CCNJL: variants seen among roughly 807,000 people sequenced by gnomAD.
CCNJL encodes cyclin J like.
CCNJL carries 33 observed loss-of-function variants against 33.4 expected under a neutral mutation model. That is an observed-to-expected ratio of 0.99 (90% confidence interval 0.75 to 1.32). The LOEUF is 1.32. Among genes scored for constraint, CCNJL ranks in the 40% most tolerant of loss-of-function variants. CCNJL has a pLI of 0.00. For synonymous variants in CCNJL, 227 were observed against 220.9 expected, an observed-to-expected ratio of 1.03 and a Z score of -0.24; for missense variants, 512 against 499.7, an observed-to-expected ratio of 1.02 and a Z score of -0.23.
intron 1 of CCNJL, 43 bp from the exon 2 acceptor site, chr5:160,312,015 G>A (rs968974030): frequency 7.8e-6 from 10 of 1,277,486 alleles, no homozygotes; most frequent in Non-Finnish European, 1.1e-5. Context: ...GCGTACCCCG[G>A]GCTCCGACCC....
intron 2 of CCNJL, among the ~76,000 whole-genome samples, chr5:160,281,586 T>A (rs994466541): frequency 1.3e-5 from 2 of 152,190 alleles, no homozygotes; most frequent in African/African-American, 4.8e-5. Context: ...ATAATAATGT[T>A]CTTATATGCA....
At chr5:160,301,854 C>T (rs962607767) in intron 2 of CCNJL, among the ~76,000 whole-genome samples, 16 of 147,962 alleles carry the variant, frequency 1.1e-4, no homozygotes, top group African/African-American at 3.0e-4. Context: ...CTCAGCCTCC[C>T]GAGTAGCTGG....
intron 1 of CCNJL, among the ~76,000 whole-genome samples, chr5:160,324,501 A>G (rs1433692099): frequency 6.6e-6 from 1 of 152,206 alleles, no homozygotes; most frequent in Non-Finnish European, 1.5e-5. Flanking sequence ...TGAACCCAGG[A>G]GGTGAAAGTT....
chr5:160,301,346 C>A (rs1192136193), intron 2 of CCNJL, among the ~76,000 whole-genome samples: 1 of 151,940 alleles, frequency 6.6e-6, no homozygotes, highest in African/African-American at 2.4e-5. Context: ...ATCTAATTTA[C>A]AAGGACAAAA....
intron 2 of CCNJL, among the ~76,000 whole-genome samples, chr5:160,310,077 T>C (rs1461805674): frequency 6.6e-6 from 1 of 152,170 alleles, no homozygotes; most frequent in East Asian, 1.9e-4. Context: ...TAGAAATCCT[T>C]CCCTCTAGAA....
At chr5:160,321,859 A>G (rs965680647) in intron 1 of CCNJL, among the ~76,000 whole-genome samples, 1 of 152,184 alleles carries the variant, frequency 6.6e-6, no homozygotes, top group African/African-American at 2.4e-5. Context: ...ACTCCGTCTC[A>G]AAAAATATAT....
Position 160,287,242 on chromosome 5 carries a change from C to T in CCNJL, c.67-6504G>A, listed in dbSNP as rs28684085. ...AGCCTAGTGGCCCTTCCTCTTCCCT[C>T]AAGCTGGGGAATCAAGTCTCAGAGA... On this transcript the variant is annotated intron_variant, in intron 2 of 5. Transcript: ENST00000257536. 2.8e-3 allele frequency among the ~76,000 whole-genome samples: 420 copies of T among 152,336 alleles called. 3 individuals carry two copies. Among genetic ancestry groups the T allele is most frequent in the African/African-American group, 9.6e-3 (401 of 41,580 alleles).
chr5:160,326,690 A>C (rs1763540460), intron 1 of CCNJL: 1 of 880,648 alleles, frequency 1.1e-6, no homozygotes. Flanking sequence ...GTGAAATTCC[A>C]CCATGGCATA....
intron 3 of CCNJL, among the ~76,000 whole-genome samples, chr5:160,276,771 T>C (rs1467255290): frequency 6.7e-6 from 1 of 149,402 alleles, no homozygotes; most frequent in Non-Finnish European, 1.5e-5. Flanking sequence ...TGTTGTGGCA[T>C]GAATTTTATC....
intron 3 of CCNJL, among the ~76,000 whole-genome samples, chr5:160,262,416 C>T (rs141876696): frequency 3.1e-4 from 47 of 152,366 alleles, no homozygotes; most frequent in Non-Finnish European, 4.6e-4. Context: ...TTCCTGGGAA[C>T]GCACACGGCA....
intron 3 of CCNJL, among the ~76,000 whole-genome samples, 192 bp from the exon 4 acceptor site, chr5:160,259,963 C>T (rs550211443): frequency 6.6e-6 from 1 of 152,362 alleles, no homozygotes; most frequent in Non-Finnish European, 1.5e-5. Context: ...GCCATCACTT[C>T]CCACTGGGGG....
chr5:160,293,791 G>T (rs1485912930), intron 2 of CCNJL, among the ~76,000 whole-genome samples: 1 of 152,170 alleles, frequency 6.6e-6, no homozygotes, highest in East Asian at 1.9e-4. Context: ...TAAATCTTGG[G>T]CTTGGACATC....
At chr5:160,315,935 C>T (rs1268996274), upstream of CCNJL, among the ~76,000 whole-genome samples, 4 of 152,136 alleles carry the variant, frequency 2.6e-5, no homozygotes, top group African/African-American at 9.7e-5. Context: ...CTAATATGTA[C>T]TGCCCTTTTC....
intron 3 of CCNJL, among the ~76,000 whole-genome samples, chr5:160,275,898 T>A (rs1242166466): frequency 6.6e-6 from 1 of 151,148 alleles, no homozygotes; most frequent in East Asian, 2.0e-4. Context: ...AAGTCCAACA[T>A]AAAATTACCA....
At chr5:160,278,774 A>G (rs527889838) in intron 3 of CCNJL, among the ~76,000 whole-genome samples, 1 of 152,372 alleles carries the variant, frequency 6.6e-6, no homozygotes, top group African/African-American at 2.4e-5. Flanking sequence ...TGCAGCCCAC[A>G]GATCACAGAC....
upstream of CCNJL, among the ~76,000 whole-genome samples, chr5:160,316,516 A>G (rs1424729416): frequency 6.6e-6 from 1 of 152,176 alleles, no homozygotes; most frequent in East Asian, 1.9e-4. Flanking sequence ...TTTGCACTGA[A>G]CTTTCCTTTT....
chr5:160,306,091 T>A lies in CCNJL; in HGVS notation c.66+5767A>T, dbSNP rs538454972. On this transcript the variant is annotated intron_variant, in intron 2 of 5. Coordinates refer to ENST00000257536, the MANE Select transcript of CCNJL (RefSeq NM_001308173.3). The stretch of plus-strand genomic sequence containing the variant: ...GAGTTAGAGACCAGCCTGGCCAACA[T>A]GGTGAAACCCCGCCTCTACTAAAAA... Among the ~76,000 whole-genome samples, 263 of 152,028 alleles carry A rather than the reference T, an allele frequency of 1.7e-3. 2 individuals are homozygous for A. The highest frequency in any genetic ancestry group is 2.4e-3 in the Non-Finnish European group (166 of 67,920).
intron 2 of CCNJL, among the ~76,000 whole-genome samples, chr5:160,301,721 C>G (rs910049431): frequency 3.3e-5 from 5 of 149,718 alleles, no homozygotes; most frequent in African/African-American, 1.2e-4. Context: ...AGGTGTGAGC[C>G]ACCGCACCCG....
chr5:160,284,255 G>A (rs1489738442), intron 2 of CCNJL, among the ~76,000 whole-genome samples: 9 of 152,074 alleles, frequency 5.9e-5, no homozygotes, highest in Non-Finnish European at 8.8e-5. Flanking sequence ...AGGAGGCTGA[G>A]GTGCAAGGAT....
Sources: allele counts gnomAD v4.1 joint callset (sites outside exome capture counted in the v4.1 genomes callset), GRCh38; gene constraint gnomAD v4.1.1; transcripts MANE v1.5; gene names NCBI Gene and HGNC (gene_info 2026-07-23, HGNC 2026-07-21).